The following SOCS7 variants were observed in gnomAD, a reference collection of about 807,000 sequenced individuals.
SOCS7 encodes the protein suppressor of cytokine signaling 7, also known as NAP-4.
Under a neutral mutation model 58.9 loss-of-function variants are expected in SOCS7, and 18 were observed. That is an observed-to-expected ratio of 0.31 (90% confidence interval 0.21 to 0.45). The LOEUF is 0.45. Ranked by LOEUF, SOCS7 falls within the 20% of genes least tolerant of loss-of-function variation. SOCS7 has a pLI of 1.00. For synonymous variants in SOCS7, 388 were observed against 364.3 expected (o/e 1.06, Z -0.74); for missense variants, 667 against 837.3 (o/e 0.80, Z 2.51).
rs953904141 is a variant in SOCS7, at chr17:38,351,879, G to C, written c.-174G>C. Among the ~76,000 whole-genome samples the C allele has an allele frequency of 8.6e-5, 13 of 150,412 alleles. No individual in the cohort carries two copies. In the East Asian group the frequency reaches 1.4e-3, roughly 16 times the overall value. On this transcript the variant is annotated 5_prime_UTR_variant, in exon 1 of 10. Coordinates refer to ENST00000612932, the MANE Select transcript of SOCS7 (RefSeq NM_014598.4). ...CGGTGCTCGGCGGTGGCGGAGCGCG[G>C]CCTGGGCTCGCGCTGGGCTCCGCGC...
At chr17:38,368,183 T>TATTG in intron 6 of SOCS7, 133 bp downstream of exon 6, 1 of 732,562 alleles carries the variant, frequency 1.4e-6, no homozygotes, top group Non-Finnish European at 2.2e-6. Context: ...CTCAGTTGAA[T>TATTG]ATTGATATGA....
chr17:38,392,543 T>C (rs2038185184), intron 7 of SOCS7, among the ~76,000 whole-genome samples: 1 of 152,184 alleles, frequency 6.6e-6, no homozygotes, highest in Non-Finnish European at 1.5e-5. Flanking sequence ...CCAAAATTAT[T>C]TCTTAAAACC....
In SOCS7 at chr17:38,352,782, C is replaced by G. The variant is rs1240071086; in HGVS notation, c.730C>G (p.Gln244Glu). Residue 244 changes from glutamine (Q) to glutamate (E), a missense_variant, in exon 1 of 10, where the codon CAG becomes GAG. By Grantham distance (29) the Gln-to-Glu change is conservative. Coordinates refer to ENST00000612932, the MANE Select transcript of SOCS7 (RefSeq NM_014598.4). This position sits in a 1 kb window ranked among gnomAD's most constrained non-coding sequence, Gnocchi z 5.5. The stretch of plus-strand genomic sequence containing the variant: ...TCTGGGGCGCCTGAGTAGAGGGGAG[C>G]AGCAGCAGCAGCAGCAGCAGCAACC... The part of the protein sequence containing the change: ...VPLGRLSRGE[Q>E]QQQQQQQPPP... 1.3e-6 allele frequency: 2 copies of G among 1,523,614 alleles called. No individual in the cohort carries two copies. The highest frequency in any genetic ancestry group is 1.8e-6 in the Non-Finnish European group (2 of 1,129,052). 94.4% of individuals were successfully genotyped at this position (1,523,614 alleles called of 1,614,324 possible).
chr17:38,367,842 C>G, intron 5 of SOCS7, 40 bp from the exon 6 acceptor site: 2 of 1,587,708 alleles, frequency 1.3e-6, no homozygotes, highest in Admixed American at 3.4e-5. Context: ...TGACATTTCT[C>G]TGTCCTGATA....
Position 38,400,939 on chromosome 17 carries a change from C to T in SOCS7, c.*1457C>T, listed in dbSNP as rs1055584927. On this transcript the variant is annotated 3_prime_UTR_variant, in exon 10 of 10. Coordinates refer to ENST00000612932, the MANE Select transcript of SOCS7 (RefSeq NM_014598.4). Reference sequence around the variant, plus strand: ...GTGGAGCTGTTGGGTCTTCATGACTCCTTTGCGTGTGTTCCATGGGACTCT... The same window carrying T: ...GTGGAGCTGTTGGGTCTTCATGACTTCTTTGCGTGTGTTCCATGGGACTCT... The T allele has an allele frequency of 6.6e-6, 1 of 152,236 alleles. No individual in the cohort carries two copies. Among genetic ancestry groups the T allele is most frequent in the Admixed American group, 6.5e-5 (1 of 15,270 alleles). 9.4% of individuals were successfully genotyped at this position (152,236 alleles called of 1,614,324 possible). A position where few individuals can be genotyped will look rare whatever the true frequency, so the allele number is the denominator to read the frequency against.
At chr17:38,381,966 AAAAAAAAACCT>A (rs2038007871) in intron 7 of SOCS7, among the ~76,000 whole-genome samples, 3 of 149,986 alleles carry the variant, frequency 2.0e-5, no homozygotes, top group African/African-American at 7.4e-5. Flanking sequence ...AAAAAAAAAA[AAAAAAAAACCT>A]AAAAAAACTA....
rs755878975 is a variant in SOCS7 at position 38,395,462 on chromosome 17, G to C, written c.1817+18G>C. ...CTGCCTAAGTACAATGGGGTTGTCA[G>C]GTTTGGGACAGGAATGAGTAAGGGG... On this transcript the variant is annotated intron_variant, in intron 8 of 9. Coordinates refer to ENST00000612932, the MANE Select transcript of SOCS7 (RefSeq NM_014598.4). 1 of 1,609,712 alleles carries C rather than the reference G, an allele frequency of 6.2e-7. No homozygotes were observed. The highest frequency in any genetic ancestry group is 1.1e-5 in the South Asian group (1 of 90,928).
intron 7 of SOCS7, among the ~76,000 whole-genome samples, chr17:38,387,298 A>T (rs1391447570): frequency 7.5e-6 from 1 of 132,510 alleles, no homozygotes; most frequent in African/African-American, 2.8e-5. Flanking sequence ...TACAAAAAAA[A>T]TAGCCGGGCG....
At position 38,405,529 on chromosome 17, in the gene SOCS7, G is replaced by A. The variant is rs2038380583; in HGVS notation, c.*6047G>A. 6.6e-6 allele frequency: 1 copy of A among 152,146 alleles called. No homozygotes were observed. The highest frequency in any genetic ancestry group is 2.1e-4 in the South Asian group (1 of 4,826). 9.4% of individuals were successfully genotyped at this position (152,146 alleles called of 1,614,324 possible). A position where few individuals can be genotyped will look rare whatever the true frequency, so the allele number is the denominator to read the frequency against. On this transcript the variant is annotated 3_prime_UTR_variant, in exon 10 of 10. Transcript: ENST00000612932. ...TTTGTATCTCCTTTTTATGATTGCTGTACCTACCCATGTCTTTTTGGGGAG... is the reference window on the plus strand; with the variant it reads ...TTTGTATCTCCTTTTTATGATTGCTATACCTACCCATGTCTTTTTGGGGAG...
chr17:38,389,874 T>TATATATATATATATGTGTAC (rs2038138488), intron 7 of SOCS7, among the ~76,000 whole-genome samples: 1 of 113,478 alleles, frequency 8.8e-6, no homozygotes, highest in East Asian at 2.4e-4. Flanking sequence ...TGTACATATA[T>TATATATATATATATGTGTAC]ATATATATGT....
chr17:38,352,965 C>T lies in SOCS7; in HGVS notation c.913C>T (p.Leu305=), dbSNP rs760534294. ...GACCGGCAAGAGGCCTTCTGGAGAG[C>T]TGGCTGCTTCAGCTGCGAGCCTGAC... ...DGTGKRPSGE[L]AASAASLTDM... The change falls in exon 1 of 10, where the codon CTG becomes TTG. Residue 305 remains leucine, a synonymous_variant. Transcript: ENST00000612932. The surrounding 1 kb of genome is among the most constrained non-coding windows in gnomAD (Gnocchi z 5.5). 5.0e-6 allele frequency: 8 copies of T among 1,607,338 alleles called. No individual in the cohort carries two copies. The highest frequency in any genetic ancestry group is 6.8e-6 in the Non-Finnish European group (8 of 1,178,350).
At chr17:38,364,519 C>G (rs2037761727) in intron 2 of SOCS7, among the ~76,000 whole-genome samples, 1 of 152,126 alleles carries the variant, frequency 6.6e-6, no homozygotes, top group Non-Finnish European at 1.5e-5. Context: ...CACTGTCAGT[C>G]CCATGGTTTT....
chr17:38,366,449 TCTC>T (rs1294485171), intron 5 of SOCS7, 32 bp downstream of exon 5: 7 of 1,612,496 alleles, frequency 4.3e-6, no homozygotes, highest in Admixed American at 3.3e-5. Flanking sequence ...GCAGGTCACT[TCTC>T]CTCCCATTAG....
Position 38,352,867 on chromosome 17 carries a change from G to T in SOCS7, c.815G>T (p.Gly272Val), listed in dbSNP as rs766881893. 1 of 1,591,900 alleles carries T rather than the reference G, an allele frequency of 6.3e-7. No homozygotes were observed. Among genetic ancestry groups the T allele is most frequent in the East Asian group, 2.3e-5 (1 of 43,884 alleles). Residue 272 changes from glycine to valine, a missense_variant, in exon 1 of 10, where the codon GGC (glycine) becomes GTC (valine). Coordinates refer to ENST00000612932, the MANE Select transcript of SOCS7 (RefSeq NM_014598.4). The surrounding 1 kb of genome is among the most constrained non-coding windows in gnomAD (Gnocchi z 5.5). ...LRPLAGPSRKGSFKIRLSRLF... is the reference protein window; with the variant it reads ...LRPLAGPSRKVSFKIRLSRLF... Reference sequence around the variant, plus strand: ...CCACTCGCGGGTCCTTCTCGGAAGGGCTCCTTCAAAATCCGCCTCAGTCGC... The same window carrying T: ...CCACTCGCGGGTCCTTCTCGGAAGGTCTCCTTCAAAATCCGCCTCAGTCGC...
rs926374481 is a variant in SOCS7 at position 38,403,758 on chromosome 17, G to A, written c.*4276G>A. On this transcript the variant is annotated 3_prime_UTR_variant, in exon 10 of 10. Coordinates refer to ENST00000612932, the MANE Select transcript of SOCS7 (RefSeq NM_014598.4). Reference sequence around the variant, plus strand: ...TGTCATGTAAGGGAGGAGCTATTGAGTTAGACATTTTCCCTATGGGAATCC... The same window carrying A: ...TGTCATGTAAGGGAGGAGCTATTGAATTAGACATTTTCCCTATGGGAATCC... The A allele has an allele frequency of 6.6e-6, 1 of 152,190 alleles. No individual in the cohort carries two copies. The highest frequency in any genetic ancestry group is 2.4e-5 in the African/African-American group (1 of 41,434). 9.4% of individuals were successfully genotyped at this position (152,190 alleles called of 1,614,324 possible). A position where few individuals can be genotyped will look rare whatever the true frequency, so the allele number is the denominator to read the frequency against.
chr17:38,352,898 T>G lies in SOCS7; in HGVS notation c.846T>G (p.Phe282Leu), dbSNP rs956850766. Reference protein sequence around the residue: ...GSFKIRLSRLFRTKSCNGGSG... With the variant: ...GSFKIRLSRLLRTKSCNGGSG... ...TCAAAATCCGCCTCAGTCGCCTCTT[T>G]CGCACCAAGAGCTGCAACGGTGGCT... Residue 282 changes from phenylalanine to leucine, a missense_variant, in exon 1 of 10, where the codon TTT (phenylalanine) becomes TTG (leucine). Physicochemically the swap from Phe to Leu is conservative, Grantham distance 22. Transcript: ENST00000612932. The surrounding 1 kb of genome is among the most constrained non-coding windows in gnomAD (Gnocchi z 5.5). 1 of 1,603,810 alleles carries G rather than the reference T, an allele frequency of 6.2e-7. No homozygotes were observed. The highest frequency in any genetic ancestry group is 8.5e-7 in the Non-Finnish European group (1 of 1,176,264).
At chr17:38,395,753 C>A in intron 8 of SOCS7, 95 bp from the exon 9 acceptor site, 1 of 1,280,364 alleles carries the variant, frequency 7.8e-7, no homozygotes, top group Non-Finnish European at 1.1e-6. Flanking sequence ...AGGTCTCAAC[C>A]ATGTAGGGAG....
intron 1 of SOCS7, among the ~76,000 whole-genome samples, chr17:38,356,176 C>A (rs769765984): frequency 2.6e-5 from 4 of 152,026 alleles, no homozygotes; most frequent in Non-Finnish European, 4.4e-5. Flanking sequence ...CAGTCATAAG[C>A]CACCAAGTCT....
Position 38,370,648 on chromosome 17 carries a change from G to A in SOCS7, c.1552+2598G>A, listed in dbSNP as rs566644047. The stretch of plus-strand genomic sequence containing the variant: ...AAGCCACTGTACCTCGCCTATAACC[G>A]GAATTTTTTTTTTTTTTTTGAGACA... On this transcript the variant is annotated intron_variant, in intron 6 of 9. Transcript: ENST00000612932. 4.0e-5 allele frequency among the ~76,000 whole-genome samples: 6 copies of A among 150,982 alleles called. No homozygotes were observed. In the East Asian group the frequency reaches 7.8e-4, roughly 20 times the overall value.
Sources: gnomAD v4.1 joint callset for allele counts (sites outside exome capture counted in the v4.1 genomes callset) on GRCh38, gnomAD v4.1.1 for gene constraint, Gnocchi (gnomAD v3.1) non-coding constraint, MANE v1.5 for transcripts, NCBI Gene and HGNC (gene_info 2026-07-23, HGNC 2026-07-21) for gene names.